Variants in FOXA3 observed in about 807,000 individuals in gnomAD.
FOXA3 encodes hepatocyte nuclear factor 3-gamma.
A neutral mutation model predicts 16.9 loss-of-function variants in FOXA3; 11 were observed. That is an observed-to-expected ratio of 0.65 (90% CI 0.41 to 1.08). The LOEUF (loss-of-function observed/expected upper bound fraction) is 1.08, where lower values mean the gene tolerates loss of function less well. Ranked by LOEUF, FOXA3 falls within the 50% of genes least tolerant of loss-of-function variation. FOXA3 has a pLI of 0.00. For synonymous variants in FOXA3, 217 were observed against 203.3 expected (o/e 1.07, Z -0.57); for missense variants, 423 against 470.1 (o/e 0.90, Z 0.93).
chr19:45,865,291 G>A (rs1027461823), intron 1 of FOXA3, among the ~76,000 whole-genome samples: 6 of 151,966 alleles, frequency 3.9e-5, no homozygotes, highest in African/African-American at 1.2e-4. Context: ...CCTGCTCCCC[G>A]CCAGTCCAGC....
intron 1 of FOXA3, among the ~76,000 whole-genome samples, chr19:45,867,212 G>T (rs1451530096): frequency 1.3e-5 from 2 of 152,076 alleles, no homozygotes; most frequent in Admixed American, 1.3e-4. Context: ...TGCAGAAATG[G>T]GGGGTGGAGG....
chr19:45,873,022 G>A lies in FOXA3; in HGVS notation c.1017G>A (p.Gln339=), dbSNP rs748288341. ...GTGGGGAGCCTGGAGTCTACTACCA[G>A]GGCCTCTATTCCCGCTCTTTGCTTA... is the stretch of plus-strand genomic sequence containing the variant. ...AEGGEPGVYY[Q]GLYSRSLLNA... The change falls in exon 2 of 2, where the codon CAG becomes CAA. Residue 339 remains glutamine, a synonymous_variant. Transcript: ENST00000302177. The A allele has an allele frequency of 4.2e-5, 68 of 1,609,166 alleles. No individual in the cohort carries two copies. Among genetic ancestry groups the A allele is most frequent in the Middle Eastern group, 1.6e-4 (1 of 6,076 alleles).
At chr19:45,867,779 CAAAAAA>C (rs60785587) in intron 1 of FOXA3, among the ~76,000 whole-genome samples, 1 of 55,456 alleles carries the variant, frequency 1.8e-5, no homozygotes, top group Non-Finnish European at 2.9e-5. Flanking sequence ...GACTCTATCT[CAAAAAA>C]AAAAAAAAAA....
In FOXA3 at chr19:45,872,798, G is replaced by A. The variant is rs552726739; in HGVS notation, c.793G>A (p.Gly265Arg). Residue 265 changes from glycine (G) to arginine (R), a missense_variant, in exon 2 of 2, where the codon GGG (glycine) becomes AGG (arginine). Transcript: ENST00000302177. This position sits in a 1 kb window ranked among gnomAD's most constrained non-coding sequence, Gnocchi z 4.5. ...PPAPEPEAQGGEDVGALDCGS... is the reference protein window; with the variant it reads ...PPAPEPEAQGREDVGALDCGS... ...AGCCCCTGAGCCTGAGGCCCAGGGC[G>A]GGGAAGATGTGGGGGCTCTGGACTG... 26 of 1,611,966 alleles carry A rather than the reference G, an allele frequency of 1.6e-5. No homozygotes were observed. The highest frequency in any genetic ancestry group is 6.7e-5 in the African/African-American group (5 of 75,022).
In FOXA3 at chr19:45,872,497, C is replaced by T. The variant is rs199787706; in HGVS notation, c.492C>T (p.Ser164=). The T allele has an allele frequency of 2.5e-6, 4 of 1,614,196 alleles. No individual in the cohort carries two copies. The Admixed American group carries it at 6.7e-5, about 27-fold the overall frequency. ...AGAATCAGCAGCGCTGGCAGAACTCCATTCGCCACTCGCTGTCTTTCAACG... is the reference window on the plus strand; with the variant it reads ...AGAATCAGCAGCGCTGGCAGAACTCTATTCGCCACTCGCTGTCTTTCAACG... ...YRENQQRWQN[S]IRHSLSFNDC... is the part of the protein sequence containing the mutation. Residue 164 remains serine, a synonymous_variant, in exon 2 of 2, where the codon TCC becomes TCT. Transcript: ENST00000302177. The surrounding 1 kb of genome is among the most constrained non-coding windows in gnomAD (Gnocchi z 4.5).
Position 45,873,247 on chromosome 19 carries a change from A to G in FOXA3, c.*189A>G. ...CGGGGTACTGTGATAACCACCATGG[A>G]TACATTTTGGTGGCCCACTGGGTAC... On this transcript the variant is annotated 3_prime_UTR_variant, in exon 2 of 2. Coordinates refer to ENST00000302177, the MANE Select transcript of FOXA3 (RefSeq NM_004497.3). 1 of 917,126 alleles carries G rather than the reference A, an allele frequency of 1.1e-6. No homozygotes were observed. Among genetic ancestry groups the G allele is most frequent in the Non-Finnish European group, 1.6e-6 (1 of 620,164 alleles). The allele number at this position is 917,126 out of a possible 1,614,324, so 56.8% of individuals were successfully genotyped here.
At chr19:45,868,369 C>T (rs1428642112) in intron 1 of FOXA3, among the ~76,000 whole-genome samples, 5 of 151,990 alleles carry the variant, frequency 3.3e-5, no homozygotes, top group African/African-American at 1.2e-4. Flanking sequence ...CACCTGAGGT[C>T]AGGAGTTCGA....
intron 1 of FOXA3, among the ~76,000 whole-genome samples, chr19:45,871,449 G>A (rs559178624): frequency 2.0e-5 from 3 of 152,074 alleles, no homozygotes; most frequent in South Asian, 2.1e-4. Context: ...TTAGGATTGC[G>A]GGTGTGGTGG....
Position 45,864,412 on chromosome 19 carries a change from C to T in FOXA3, c.-45C>T, listed in dbSNP as rs199879108. ...GCTGAGAGATCCAGAGCGCTCCGTTCCCCCGGGGCCGGAGCGGGGGCGGGT... is the reference window on the plus strand; with the variant it reads ...GCTGAGAGATCCAGAGCGCTCCGTTTCCCCGGGGCCGGAGCGGGGGCGGGT... On this transcript the variant is annotated 5_prime_UTR_variant, in exon 1 of 2. Coordinates refer to ENST00000302177, the MANE Select transcript of FOXA3 (RefSeq NM_004497.3). 3.0e-6 allele frequency: 4 copies of T among 1,354,500 alleles called. No homozygotes were observed. Among genetic ancestry groups the T allele is most frequent in the African/African-American group, 1.5e-5 (1 of 66,062 alleles). The allele number at this position is 1,354,500 out of a possible 1,614,324, so 83.9% of individuals were successfully genotyped here.
At chr19:45,870,208 C>G (rs59166674) in intron 1 of FOXA3, among the ~76,000 whole-genome samples, 2 of 147,718 alleles carry the variant, frequency 1.4e-5, no homozygotes, top group African/African-American at 5.0e-5. Context: ...ATCTCACTGT[C>G]GCCCAGGCTG....
Position 45,872,702 on chromosome 19 carries a change from G to A in FOXA3, c.697G>A (p.Gly233Arg), listed in dbSNP as rs764817302. 3.1e-6 allele frequency: 5 copies of A among 1,608,776 alleles called. No homozygotes were observed. Among genetic ancestry groups the A allele is most frequent in the African/African-American group, 1.3e-5 (1 of 74,798 alleles). Residue 233 changes from glycine to arginine, a missense_variant, in exon 2 of 2, where the codon GGG becomes AGG. By Grantham distance (125) the Gly-to-Arg change is moderately radical (BLOSUM62 -2). This residue lies in a region of FOXA3 where 168 missense variants were observed against 179.3 expected (regional missense o/e 0.94). Transcript: ENST00000302177. This position sits in a 1 kb window ranked among gnomAD's most constrained non-coding sequence, Gnocchi z 4.5. Reference sequence around the variant, plus strand: ...CGGGGCTGCCACCACCACCAGGAACGGGACAGGGTCTGCTGCCTCGACCAC... The same window carrying A: ...CGGGGCTGCCACCACCACCAGGAACAGGACAGGGTCTGCTGCCTCGACCAC... ...GSGAATTTRN[G>R]TGSAASTTTP...
Position 45,872,204 on chromosome 19 carries a change from C to T in FOXA3, c.199C>T (p.Pro67Ser), listed in dbSNP as rs755061041. 3 of 1,598,308 alleles carry T rather than the reference C, an allele frequency of 1.9e-6. No individual in the cohort carries two copies. The highest frequency in any genetic ancestry group is 1.3e-5 in the African/African-American group (1 of 74,644). ...CCCACTGCCCTCAGGACCCCTGGCA[C>T]CCCCAGCACCTGCAGCCCCCCTGGG... ...ASPLPSGPLA[P>S]PAPAAPLGPT... Residue 67 changes from proline (P) to serine (S), a missense_variant, in exon 2 of 2, where the codon CCC becomes TCC. By Grantham distance (74) the Pro-to-Ser change is moderately conservative. Coordinates refer to ENST00000302177, the MANE Select transcript of FOXA3 (RefSeq NM_004497.3). This position sits in a 1 kb window ranked among gnomAD's most constrained non-coding sequence, Gnocchi z 4.5.
chr19:45,870,209 G>A (rs1284489280), intron 1 of FOXA3, among the ~76,000 whole-genome samples: 4 of 144,366 alleles, frequency 2.8e-5, no homozygotes, highest in Non-Finnish European at 6.0e-5. Context: ...TCTCACTGTC[G>A]CCCAGGCTGG....
chr19:45,869,586 G>T (rs1439641490), intron 1 of FOXA3, among the ~76,000 whole-genome samples: 1 of 152,108 alleles, frequency 6.6e-6, no homozygotes, highest in Non-Finnish European at 1.5e-5. Flanking sequence ...CCAAAAATGG[G>T]ATGCATTTTA....
At chr19:45,868,386 C>A (rs528860181) in intron 1 of FOXA3, among the ~76,000 whole-genome samples, 1 of 151,980 alleles carries the variant, frequency 6.6e-6, no homozygotes, top group Non-Finnish European at 1.5e-5. Context: ...TCGAGACTAG[C>A]CTGACCAACA....
rs748746722 is a variant in FOXA3, at chr19:45,872,461, T to C, written c.456T>C (p.Pro152=). ...EIYQWIMDLF[P]YYRENQQRWQ... is the part of the protein sequence containing the mutation. The stretch of plus-strand genomic sequence containing the variant: ...ACCAGTGGATCATGGACCTCTTCCC[T>C]TACTACCGGGAGAATCAGCAGCGCT... The change falls in exon 2 of 2, where the codon CCT becomes CCC. Residue 152 remains proline, a synonymous_variant. Coordinates refer to ENST00000302177, the MANE Select transcript of FOXA3 (RefSeq NM_004497.3). The surrounding 1 kb of genome is among the most constrained non-coding windows in gnomAD (Gnocchi z 4.5). The C allele has an allele frequency of 1.9e-6, 3 of 1,614,186 alleles. No homozygotes were observed. In the South Asian group the frequency reaches 3.3e-5, roughly 18 times the overall value.
chr19:45,869,795 T>A (rs7254848), intron 1 of FOXA3, among the ~76,000 whole-genome samples: 17,523 of 151,852 alleles, frequency 0.12, 1,092 homozygotes, highest in Non-Finnish European at 0.14. Flanking sequence ...TTATTTATTT[T>A]TTTTTTTTGA....
chr19:45,868,129 A>T (rs1416518790), intron 1 of FOXA3, among the ~76,000 whole-genome samples: 1 of 152,088 alleles, frequency 6.6e-6, no homozygotes, highest in Non-Finnish European at 1.5e-5. Context: ...TCAAAGAGAC[A>T]TGATGAAAGA....
At chr19:45,869,492 TAC>T in intron 1 of FOXA3, among the ~76,000 whole-genome samples, 1 of 152,180 alleles carries the variant, frequency 6.6e-6, no homozygotes, top group East Asian at 1.9e-4. Flanking sequence ...TGAAAGAATA[TAC>T]AGAGGGTTAC....
Sources: allele counts gnomAD v4.1 joint callset (sites outside exome capture counted in the v4.1 genomes callset), GRCh38; gene constraint gnomAD v4.1.1; regional missense constraint gnomAD v4.1.1; non-coding constraint Gnocchi (gnomAD v3.1); transcripts MANE v1.5; gene names NCBI Gene and HGNC (gene_info 2026-07-23, HGNC 2026-07-21).